Variants in PLCL2 observed in about 807,000 individuals in gnomAD.
PLCL2 encodes inactive phospholipase C-like protein 2.
In PLCL2, 4 loss-of-function variants were observed where a neutral mutation model predicts 79.6. The ratio of observed to expected loss-of-function variants is 0.05; its 90% CI spans 0.02 to 0.11. The LOEUF (loss-of-function observed/expected upper bound fraction) is 0.11. Among genes scored for constraint, PLCL2 ranks in the 10% least tolerant of loss-of-function variants. The probability of loss-of-function intolerance (pLI) is 1.00; values close to 1 mark genes in which losing one functional copy is unlikely to be tolerated. For missense variants in PLCL2, 895 were observed against 1,291.0 expected (o/e 0.69, Z 4.70); for synonymous variants, 484 against 457.7 (o/e 1.06, Z -0.73).
intron 1 of PLCL2, among the ~76,000 whole-genome samples, chr3:16,940,382 TC>T (rs774629902): frequency 6.6e-5 from 10 of 152,214 alleles, no homozygotes; most frequent in Non-Finnish European, 1.3e-4. Flanking sequence ...TTTCCTGTGT[TC>T]CCACAACTGT....
rs2064400291 is a variant in PLCL2, at chr3:17,017,617, T to C, written c.3018+2706T>C. Among the ~76,000 whole-genome samples the C allele has an allele frequency of 1.3e-5, 2 of 152,190 alleles. 1 individual carries two copies. Among genetic ancestry groups the C allele is most frequent in the South Asian group, 4.1e-4 (2 of 4,826 alleles). On this transcript the variant is annotated intron_variant, in intron 3 of 5. Coordinates refer to ENST00000615277, the MANE Select transcript of PLCL2 (RefSeq NM_001144382.2). ...AAAATTAACCTTAGAAATAAGATCT[T>C]ATTTCATTCTGTTGACTTCCCATGT...
At chr3:16,912,569 T>C (rs1696906870) in intron 1 of PLCL2, among the ~76,000 whole-genome samples, 2 of 152,206 alleles carry the variant, frequency 1.3e-5, no homozygotes, top group Admixed American at 1.3e-4. Context: ...TTACCATTTT[T>C]CTTTGAAGGG....
chr3:17,034,239 G>T (rs1358999339), intron 3 of PLCL2, among the ~76,000 whole-genome samples: 1 of 152,192 alleles, frequency 6.6e-6, no homozygotes, highest in African/African-American at 2.4e-5. Context: ...GTGAGTGAGT[G>T]TGGATGTGTG....
chr3:16,995,397 C>T (rs935933589), intron 1 of PLCL2, among the ~76,000 whole-genome samples: 1 of 152,190 alleles, frequency 6.6e-6, no homozygotes. Context: ...TGTATTTGTT[C>T]TGTCTGCAGC....
intron 1 of PLCL2, among the ~76,000 whole-genome samples, chr3:16,914,374 GT>G (rs1696946653): frequency 6.6e-6 from 1 of 152,254 alleles, no homozygotes; most frequent in African/African-American, 2.4e-5. Flanking sequence ...TCATAAGAAA[GT>G]TGTCAAGTTT....
At chr3:16,971,518 A>T (rs1437970718) in intron 1 of PLCL2, among the ~76,000 whole-genome samples, 9 of 152,198 alleles carry the variant, frequency 5.9e-5, no homozygotes, top group East Asian at 1.9e-4. Context: ...CTTAGGATTG[A>T]CTTGGCAATG....
At position 16,980,316 on chromosome 3, in the gene PLCL2, G is replaced by T. The variant is rs189840734; in HGVS notation, c.328-29358G>T. ...TCTTGGACGGGGCGGCTGGCCGGGCGGAGACGCTCCTCACTTCCCAGACGG... is the reference window on the plus strand; with the variant it reads ...TCTTGGACGGGGCGGCTGGCCGGGCTGAGACGCTCCTCACTTCCCAGACGG... On this transcript the variant is annotated intron_variant, in intron 1 of 5. Coordinates refer to ENST00000615277, the MANE Select transcript of PLCL2 (RefSeq NM_001144382.2). 2.3e-3 allele frequency among the ~76,000 whole-genome samples: 333 copies of T among 145,210 alleles called. 2 individuals carry two copies. The highest frequency in any genetic ancestry group is 7.9e-3 in the African/African-American group (311 of 39,256).
chr3:17,014,989 C>T, intron 3 of PLCL2, 78 bp downstream of exon 3: 1 of 1,204,138 alleles, frequency 8.3e-7, no homozygotes, highest in South Asian at 1.3e-5. Flanking sequence ...TACTTTGGAG[C>T]TTTTGCTGAA....
chr3:17,072,961 A>G lies in PLCL2; in HGVS notation c.3204+4896A>G, dbSNP rs17043063. 5.0e-3 allele frequency among the ~76,000 whole-genome samples: 759 copies of G among 152,286 alleles called. 6 individuals are homozygous for G. The highest frequency in any genetic ancestry group is 0.017 in the African/African-American group (696 of 41,560). On this transcript the variant is annotated intron_variant, in intron 5 of 5. Coordinates refer to ENST00000615277, the MANE Select transcript of PLCL2 (RefSeq NM_001144382.2). ...CCAGCCTTCTCTTCTCAGAGTTTGT[A>G]AAATGTCCTGTTCTAGGGTTTCTGC...
At position 16,885,266 on chromosome 3, in the gene PLCL2, C is replaced by G; in HGVS notation, c.227C>G (p.Pro76Arg). 1 of 666,696 alleles carries G rather than the reference C, an allele frequency of 1.5e-6. No individual in the cohort carries two copies. The highest frequency in any genetic ancestry group is 1.5e-5 in the South Asian group (1 of 64,556). The allele number at this position is 666,696 out of a possible 1,614,324, so 41.3% of individuals were successfully genotyped here. The change falls in exon 1 of 6, where the codon CCC (proline) becomes CGC (arginine). Residue 76 changes from proline to arginine, a missense_variant. Physicochemically the swap from Pro to Arg is moderately radical, Grantham distance 103. Around this residue, in one of 6 missense-constraint regions of PLCL2, gnomAD observed 110 missense variants for 42.9 expected, o/e 2.56. Transcript: ENST00000615277. ...GCCCGGGCTAGCCCTACCAGGGGACCCCGCGGCGTTGCGCTCGCCCCGACC... is the reference window on the plus strand; with the variant it reads ...GCCCGGGCTAGCCCTACCAGGGGACGCCGCGGCGTTGCGCTCGCCCCGACC... Reference protein sequence around the residue: ...DEARASPTRGPRGVALAPTPS... With the variant: ...DEARASPTRGRRGVALAPTPS...
intron 1 of PLCL2, among the ~76,000 whole-genome samples, chr3:16,918,329 T>C (rs1009734870): frequency 6.6e-6 from 1 of 152,182 alleles, no homozygotes; most frequent in Non-Finnish European, 1.5e-5. Flanking sequence ...ATTGAAAAAT[T>C]ATATATTTAT....
chr3:17,072,372 A>G (rs1559539913), intron 5 of PLCL2, among the ~76,000 whole-genome samples: 1 of 152,136 alleles, frequency 6.6e-6, no homozygotes, highest in African/African-American at 2.4e-5. Flanking sequence ...TCCTGCTATG[A>G]AAGATGACAA....
rs530429960 is a variant in PLCL2, at chr3:16,971,804, T to A, written c.328-37870T>A. ...GGATTCCTAGGTATTTTATTCTCTT[T>A]GAAGCAATTGTGAATGGGAGTTCAC... On this transcript the variant is annotated intron_variant, in intron 1 of 5. Coordinates refer to ENST00000615277, the MANE Select transcript of PLCL2 (RefSeq NM_001144382.2). Among the ~76,000 whole-genome samples the A allele has an allele frequency of 2.2e-3, 342 of 152,308 alleles. 2 individuals are homozygous for A. The highest frequency in any genetic ancestry group is 7.7e-3 in the African/African-American group (320 of 41,564).
At chr3:17,041,548 C>A (rs1481003652) in intron 3 of PLCL2, among the ~76,000 whole-genome samples, 1 of 152,044 alleles carries the variant, frequency 6.6e-6, no homozygotes, top group Non-Finnish European at 1.5e-5. Context: ...GTGTAACTTA[C>A]CAAAAATATG....
intron 1 of PLCL2, among the ~76,000 whole-genome samples, chr3:17,000,226 A>G (rs185886844): frequency 6.6e-6 from 1 of 152,168 alleles, no homozygotes; most frequent in African/African-American, 2.4e-5. Context: ...TATGTAGTAC[A>G]TTTGCAGGCT....
chr3:17,054,553 A>T (rs2064874640), intron 4 of PLCL2, among the ~76,000 whole-genome samples: 1 of 152,136 alleles, frequency 6.6e-6, no homozygotes. Flanking sequence ...AAGCAGGAGC[A>T]GTCATCTTCA....
Position 17,090,006 on chromosome 3 carries a change from A to G in PLCL2, c.*94A>G. The G allele has an allele frequency of 6.9e-7, 1 of 1,441,572 alleles. No individual in the cohort carries two copies. Among genetic ancestry groups the G allele is most frequent in the African/African-American group, 1.4e-5 (1 of 70,194 alleles). The allele number at this position is 1,441,572 out of a possible 1,614,324, so 89.3% of individuals were successfully genotyped here. On this transcript the variant is annotated 3_prime_UTR_variant, in exon 6 of 6. Transcript: ENST00000615277. ...CTTTGCACTCACTAATGAGAATAAT[A>G]TTCGGGATTTTAAAGCACAACTGGA...
At chr3:16,954,996 A>G (rs1466997452) in intron 1 of PLCL2, among the ~76,000 whole-genome samples, 1 of 152,164 alleles carries the variant, frequency 6.6e-6, no homozygotes, top group Non-Finnish European at 1.5e-5. Flanking sequence ...CTCTGATGGT[A>G]GTTTCTTTTG....
At chr3:16,958,578 A>G (rs956623833) in intron 1 of PLCL2, among the ~76,000 whole-genome samples, 1 of 152,232 alleles carries the variant, frequency 6.6e-6, no homozygotes, top group Non-Finnish European at 1.5e-5. Context: ...TGATGAAACA[A>G]ATATTAGAAA....
Sources: allele counts gnomAD v4.1 joint callset (sites outside exome capture counted in the v4.1 genomes callset), GRCh38; gene constraint gnomAD v4.1.1; regional missense constraint gnomAD v4.1.1; transcripts MANE v1.5; gene names NCBI Gene and HGNC (gene_info 2026-07-23, HGNC 2026-07-21).